RIT2: variants seen among roughly 807,000 people sequenced by gnomAD.
RIT2 encodes Ras like without CAAX 2.
A neutral mutation model predicts 23.7 loss-of-function variants in RIT2; 24 were observed. That is an observed-to-expected ratio of 1.01 (90% confidence interval 0.73 to 1.43). RIT2 has a LOEUF of 1.43. Ranked by LOEUF, RIT2 falls within the 40% of genes most tolerant of loss-of-function variation. The probability of loss-of-function intolerance (pLI) is 0.00; values close to 1 mark genes in which losing one functional copy is unlikely to be tolerated. For missense variants in RIT2, 236 were observed against 266.9 expected (o/e 0.88, Z 0.81); for synonymous variants, 107 against 91.1 (o/e 1.17, Z -0.99).
At chr18:42,749,743 T>C (rs1913002487) in intron 4 of RIT2, among the ~76,000 whole-genome samples, 1 of 151,894 alleles carries the variant, frequency 6.6e-6, no homozygotes, top group African/African-American at 2.4e-5. Context: ...AAATATAATT[T>C]TCAAAAGCTT....
At chr18:43,076,425 GA>G (rs1396844143) in intron 1 of RIT2, among the ~76,000 whole-genome samples, 2 of 151,650 alleles carry the variant, frequency 1.3e-5, no homozygotes, top group East Asian at 3.9e-4. Flanking sequence ...CAGTGAACAG[GA>G]AAAAAAGCAA....
intron 4 of RIT2, among the ~76,000 whole-genome samples, chr18:42,885,517 CA>C (rs1473247827): frequency 6.6e-6 from 1 of 152,022 alleles, no homozygotes; most frequent in Non-Finnish European, 1.5e-5. Flanking sequence ...ACCTGGGAGG[CA>C]GAGCTTGCAG....
chr18:43,044,591 ATTTG>A (rs1390191916), intron 1 of RIT2, among the ~76,000 whole-genome samples: 1 of 152,210 alleles, frequency 6.6e-6, no homozygotes, highest in African/African-American at 2.4e-5. Flanking sequence ...TTGTGATTTA[ATTTG>A]TTTATTTAGT....
intron 1 of RIT2, among the ~76,000 whole-genome samples, chr18:43,037,419 G>T (rs990062710): frequency 1.3e-5 from 2 of 151,984 alleles, no homozygotes; most frequent in African/African-American, 4.8e-5. Context: ...TATTTTGGGG[G>T]TTTATTCCTA....
intron 4 of RIT2, among the ~76,000 whole-genome samples, chr18:42,834,132 C>T (rs1489297542): frequency 6.6e-6 from 1 of 152,168 alleles, no homozygotes; most frequent in African/African-American, 2.4e-5. Context: ...ATGCTTTCCT[C>T]CTTCCCAGGG....
At chr18:42,781,001 A>G (rs114657041) in intron 4 of RIT2, among the ~76,000 whole-genome samples, 3,849 of 152,222 alleles carry the variant, frequency 0.025, 160 homozygotes, top group African/African-American at 0.085. Flanking sequence ...TGGTAAAAAT[A>G]ATCATTTCCT....
At chr18:42,810,756 A>G (rs749577801) in intron 4 of RIT2, among the ~76,000 whole-genome samples, 5 of 151,974 alleles carry the variant, frequency 3.3e-5, no homozygotes, top group Non-Finnish European at 1.5e-5. Context: ...ATTTCTCTAC[A>G]TGAACCTTCT....
intron 2 of RIT2, among the ~76,000 whole-genome samples, chr18:43,025,856 G>T (rs900443806): frequency 6.6e-6 from 1 of 151,996 alleles, no homozygotes; most frequent in African/African-American, 2.4e-5. Flanking sequence ...GGGTGTGAGG[G>T]ATTAAAAATT....
intron 3 of RIT2, among the ~76,000 whole-genome samples, chr18:42,937,321 T>G (rs972231867): frequency 6.6e-6 from 1 of 152,190 alleles, no homozygotes; most frequent in Non-Finnish European, 1.5e-5. Flanking sequence ...ATTTTTATTC[T>G]TGAATAATTT....
rs116456476 is a variant in RIT2 at position 43,046,728 on chromosome 18, C to T, written c.104-12861G>A. The stretch of plus-strand genomic sequence containing the variant: ...GTAAATGAGGTTCTCCCTTTTCCCA[C>T]TTGTCTGTATAAAACCAGCTTTCCT... On this transcript the variant is annotated intron_variant, in intron 1 of 4. Transcript: ENST00000326695. Among the ~76,000 whole-genome samples, 404 of 152,294 alleles carry T rather than the reference C, an allele frequency of 2.7e-3. 4 individuals carry two copies. Among genetic ancestry groups the T allele is most frequent in the African/African-American group, 9.3e-3 (385 of 41,562 alleles).
intron 1 of RIT2, among the ~76,000 whole-genome samples, chr18:43,035,436 T>C (rs1911951458): frequency 6.6e-6 from 1 of 152,208 alleles, no homozygotes; most frequent in Non-Finnish European, 1.5e-5. Flanking sequence ...AGTTTTAAAA[T>C]GGCAGTTGCC....
intron 2 of RIT2, among the ~76,000 whole-genome samples, chr18:43,019,487 C>T (rs576642509): frequency 1.5e-4 from 22 of 151,564 alleles, no homozygotes; most frequent in African/African-American, 4.6e-4. Context: ...ATTCAATATC[C>T]CTTCATGACA....
At chr18:43,105,243 A>C (rs963456735) in intron 1 of RIT2, among the ~76,000 whole-genome samples, 1 of 152,040 alleles carries the variant, frequency 6.6e-6, no homozygotes, top group Non-Finnish European at 1.5e-5. Context: ...TGAAATTACC[A>C]CTCAGGAGAC....
At chr18:43,098,129 A>C (rs545432431) in intron 1 of RIT2, among the ~76,000 whole-genome samples, 4 of 151,930 alleles carry the variant, frequency 2.6e-5, no homozygotes, top group Non-Finnish European at 5.9e-5. Context: ...AAAATACTGA[A>C]GCTATAACCT....
intron 2 of RIT2, among the ~76,000 whole-genome samples, chr18:43,010,197 A>G (rs1158823491): frequency 6.6e-6 from 1 of 151,832 alleles, no homozygotes; most frequent in Admixed American, 6.6e-5. Context: ...CAGCCTCTGA[A>G]GAAAACACTG....
chr18:43,061,631 T>G (rs79249592), intron 1 of RIT2, among the ~76,000 whole-genome samples: 118 of 152,226 alleles, frequency 7.8e-4, no homozygotes, highest in African/African-American at 2.8e-3. Context: ...TTCTGAATGA[T>G]GCCTTTTAAC....
intron 4 of RIT2, among the ~76,000 whole-genome samples, chr18:42,847,235 C>T (rs1906934920): frequency 6.6e-6 from 1 of 151,928 alleles, no homozygotes; most frequent in Non-Finnish European, 1.5e-5. Context: ...AAAGGTGTTG[C>T]CTTAGAGAAG....
chr18:42,793,767 A>G (rs907325200), intron 4 of RIT2, among the ~76,000 whole-genome samples: 4 of 152,210 alleles, frequency 2.6e-5, no homozygotes, highest in African/African-American at 7.2e-5. Flanking sequence ...GAAGTATTCT[A>G]AGGAGAAAAG....
At chr18:43,055,411 G>A (rs1269268186) in intron 1 of RIT2, among the ~76,000 whole-genome samples, 32 of 152,060 alleles carry the variant, frequency 2.1e-4, no homozygotes, top group Admixed American at 2.1e-3. Flanking sequence ...TGACAACTCT[G>A]TATCAAAAGC....
Sources: allele counts gnomAD v4.1 joint callset (sites outside exome capture counted in the v4.1 genomes callset), GRCh38; gene constraint gnomAD v4.1.1; transcripts MANE v1.5; gene names NCBI Gene and HGNC (gene_info 2026-07-23, HGNC 2026-07-21).